The following TEAD1 variants were observed in gnomAD, a reference collection of about 807,000 sequenced individuals.
TEAD1 encodes the protein TEA domain transcription factor 1.
In TEAD1, 9 loss-of-function variants were observed where a neutral mutation model predicts 54.9. The observed-to-expected ratio is 0.16, with a 90% CI of 0.10 to 0.29. TEAD1 has a LOEUF of 0.29. Ranked by LOEUF, TEAD1 falls within the 10% of genes least tolerant of loss-of-function variation. The pLI, the probability that TEAD1 is intolerant of heterozygous loss-of-function variation, is 1.00. For missense variants in TEAD1, 387 were observed against 535.9 expected, an observed-to-expected ratio of 0.72 and a Z score of 2.74; for synonymous variants, 200 against 187.8, an observed-to-expected ratio of 1.07 and a Z score of -0.53.
intron 3 of TEAD1, among the ~76,000 whole-genome samples, chr11:12,807,488 C>G (rs1227617151): frequency 6.6e-6 from 1 of 152,180 alleles, no homozygotes; most frequent in Non-Finnish European, 1.5e-5. Context: ...GTTACTTAAC[C>G]TTCTCTAAGT....
chr11:12,826,543 G>T (rs1413718907), intron 3 of TEAD1, among the ~76,000 whole-genome samples: 2 of 152,130 alleles, frequency 1.3e-5, no homozygotes, highest in African/African-American at 2.4e-5. Flanking sequence ...TAACAATCAC[G>T]GTGTGATAAA....
At chr11:12,776,439 A>G (rs1945420443) in intron 3 of TEAD1, among the ~76,000 whole-genome samples, 1 of 152,084 alleles carries the variant, frequency 6.6e-6, no homozygotes, top group African/African-American at 2.4e-5. Context: ...TCTGCCAGTA[A>G]TGTTTTTGAT....
intron 2 of TEAD1, among the ~76,000 whole-genome samples, chr11:12,750,394 A>G (rs1944846180): frequency 6.6e-6 from 1 of 152,156 alleles, no homozygotes; most frequent in Non-Finnish European, 1.5e-5. Flanking sequence ...CACCTTTATA[A>G]ACTTGGAACA....
intron 9 of TEAD1, among the ~76,000 whole-genome samples, chr11:12,893,003 G>T (rs541417420): frequency 1.3e-5 from 2 of 152,152 alleles, no homozygotes; most frequent in Non-Finnish European, 2.9e-5. Flanking sequence ...ACAGGCTAGG[G>T]TTCATCACTG....
chr11:12,871,758 T>C (rs1236513969), intron 5 of TEAD1, among the ~76,000 whole-genome samples: 1 of 152,094 alleles, frequency 6.6e-6, no homozygotes, highest in Non-Finnish European at 1.5e-5. Flanking sequence ...CGAGTGTGTT[T>C]AGGTGAGTGT....
chr11:12,871,458 A>G (rs374392512), intron 5 of TEAD1, among the ~76,000 whole-genome samples: 80 of 152,324 alleles, frequency 5.3e-4, no homozygotes, highest in African/African-American at 1.9e-3. Flanking sequence ...CCCAGCATGT[A>G]GAAAGAATGC....
intron 3 of TEAD1, among the ~76,000 whole-genome samples, chr11:12,856,887 TCCCTGAC>T (rs1947393801): frequency 6.6e-6 from 1 of 152,142 alleles, no homozygotes; most frequent in Non-Finnish European, 1.5e-5. Context: ...TCTTGGTGGC[TCCCTGAC>T]TCCATTCAAT....
At chr11:12,860,211 A>T (rs1471160281) in intron 3 of TEAD1, among the ~76,000 whole-genome samples, 1 of 152,226 alleles carries the variant, frequency 6.6e-6, no homozygotes, top group Non-Finnish European at 1.5e-5. Flanking sequence ...TAAGAGGAAC[A>T]GGAAGGATCT....
intron 3 of TEAD1, among the ~76,000 whole-genome samples, chr11:12,786,267 A>T (rs897089818): frequency 6.6e-6 from 1 of 152,188 alleles, no homozygotes; most frequent in Admixed American, 6.5e-5. Context: ...CTCGGACTGC[A>T]CTGGCTTGTT....
chr11:12,756,563 A>G (rs1448613597), intron 2 of TEAD1, among the ~76,000 whole-genome samples: 1 of 152,238 alleles, frequency 6.6e-6, no homozygotes, highest in Non-Finnish European at 1.5e-5. Context: ...TCAGCTGCCC[A>G]CAGCGGTGAG....
At chr11:12,727,267 A>G (rs906328030) in intron 2 of TEAD1, among the ~76,000 whole-genome samples, 2 of 152,192 alleles carry the variant, frequency 1.3e-5, no homozygotes, top group African/African-American at 4.8e-5. Context: ...AAACTGTAAA[A>G]TGACAACTGT....
intron 2 of TEAD1, among the ~76,000 whole-genome samples, chr11:12,722,125 G>A (rs1159379262): frequency 6.6e-6 from 1 of 152,328 alleles, no homozygotes; most frequent in South Asian, 2.1e-4. Context: ...CAGGCTGGAA[G>A]AATGTTTAAC....
chr11:12,678,770 CTT>C (rs1240666583), intron 2 of TEAD1, among the ~76,000 whole-genome samples: 5 of 152,148 alleles, frequency 3.3e-5, no homozygotes, highest in Non-Finnish European at 7.3e-5. Flanking sequence ...GCTGTGAACT[CTT>C]GAGTGTCCTC....
At chr11:12,817,189 C>T (rs1374721004) in intron 3 of TEAD1, among the ~76,000 whole-genome samples, 1 of 152,158 alleles carries the variant, frequency 6.6e-6, no homozygotes, top group Non-Finnish European at 1.5e-5. Context: ...CCTTTAAAGC[C>T]AGAATTTGTA....
At chr11:12,785,523 G>A (rs1421603199) in intron 3 of TEAD1, among the ~76,000 whole-genome samples, 1 of 152,176 alleles carries the variant, frequency 6.6e-6, no homozygotes, top group Non-Finnish European at 1.5e-5. Context: ...AATGACACCA[G>A]GAAAACAGAA....
At chr11:12,823,718 T>C (rs557117779) in intron 3 of TEAD1, 3 of 152,338 alleles carry the variant, frequency 2.0e-5, no homozygotes, top group East Asian at 3.9e-4. Flanking sequence ...ACTGGAGTTA[T>C]GTTGGGGATA....
chr11:12,865,196 C>G (rs1947592828), intron 5 of TEAD1: 1 of 433,172 alleles, frequency 2.3e-6, no homozygotes, highest in Admixed American at 3.7e-5. Flanking sequence ...AGCACAGAAA[C>G]ATGATTTTTT....
intron 9 of TEAD1, among the ~76,000 whole-genome samples, chr11:12,889,920 C>G (rs1413058590): frequency 1.3e-5 from 2 of 152,060 alleles, no homozygotes; most frequent in African/African-American, 4.8e-5. Context: ...TGGGGTTTTA[C>G]TATGTTGCCC....
chr11:12,821,055 T>A (rs1330795444), intron 3 of TEAD1, among the ~76,000 whole-genome samples: 2 of 152,174 alleles, frequency 1.3e-5, no homozygotes, highest in East Asian at 3.8e-4. Flanking sequence ...CTGTCTGCCC[T>A]GAAACTGGGA....
Sources: allele counts gnomAD v4.1 joint callset (sites outside exome capture counted in the v4.1 genomes callset), GRCh38; gene constraint gnomAD v4.1.1; transcripts MANE v1.5; gene names NCBI Gene and HGNC (gene_info 2026-07-23, HGNC 2026-07-21).